Variants in P4HA3 observed in about 807,000 individuals in gnomAD.
P4HA3 encodes the protein prolyl 4-hydroxylase subunit alpha 3, also known as prolyl 4-hydroxylase subunit alpha-3.
A neutral mutation model predicts 66.7 loss-of-function variants in P4HA3; 60 were observed. The ratio of observed to expected loss-of-function variants is 0.90; its 90% confidence interval spans 0.73 to 1.12. P4HA3 has a LOEUF of 1.12. Among genes scored for constraint, P4HA3 ranks in the 50% most tolerant of loss-of-function variants. The pLI is 0.00. For synonymous variants in P4HA3, 263 were observed against 274.6 expected (o/e 0.96, Z 0.42); for missense variants, 683 against 685.8 (o/e 1.00, Z 0.05).
At chr11:74,269,239 C>T (rs963847205) in intron 11 of P4HA3, among the ~76,000 whole-genome samples, 2 of 152,154 alleles carry the variant, frequency 1.3e-5, no homozygotes, top group African/African-American at 4.8e-5. Context: ...TGCCTGCTGA[C>T]GTCTCTGTAA....
intron 15 of P4HA3, among the ~76,000 whole-genome samples, chr11:74,258,689 A>G (rs1180408586): frequency 1.3e-5 from 2 of 152,134 alleles, no homozygotes; most frequent in Non-Finnish European, 2.9e-5. Flanking sequence ...AGGGGCATGG[A>G]GGACTAGGAC....
At chr11:74,294,725 G>T (rs1861155821) in intron 4 of P4HA3, among the ~76,000 whole-genome samples, 1 of 152,204 alleles carries the variant, frequency 6.6e-6, no homozygotes, top group South Asian at 2.1e-4. Context: ...GACCCTGTTT[G>T]CCTGGGTATC....
chr11:74,282,695 A>G (rs961251574), intron 7 of P4HA3, among the ~76,000 whole-genome samples: 2 of 152,216 alleles, frequency 1.3e-5, no homozygotes, highest in Non-Finnish European at 2.9e-5. Context: ...ACATGGGGCA[A>G]GGCATTTGCA....
intron 4 of P4HA3, among the ~76,000 whole-genome samples, chr11:74,294,457 A>G (rs1292635124): frequency 6.6e-6 from 1 of 152,154 alleles, no homozygotes; most frequent in East Asian, 1.9e-4. Context: ...CATCAAAGTC[A>G]TTCTCCATCC....
downstream of P4HA3, chr11:74,266,547 T>A (rs1030160589): frequency 6.2e-6 from 1 of 162,586 alleles, no homozygotes; most frequent in Non-Finnish European, 1.4e-5. Flanking sequence ...ATATTTTCAA[T>A]CCGAGGTGGA....
chr11:74,291,552 T>C (rs1861026461), intron 4 of P4HA3, among the ~76,000 whole-genome samples: 1 of 152,262 alleles, frequency 6.6e-6, no homozygotes, highest in African/African-American at 2.4e-5. Flanking sequence ...TTCCAGTTTT[T>C]GCCCATTCAG....
chr11:74,256,384 C>T (rs1442791242), intron 15 of P4HA3, among the ~76,000 whole-genome samples: 5 of 152,152 alleles, frequency 3.3e-5, no homozygotes, highest in Non-Finnish European at 5.9e-5. Flanking sequence ...TCCTTTGTAT[C>T]CTTGTGAAGT....
intron 4 of P4HA3, among the ~76,000 whole-genome samples, chr11:74,296,207 A>G (rs921463348): frequency 9.2e-5 from 14 of 152,318 alleles, no homozygotes; most frequent in South Asian, 4.1e-4. Flanking sequence ...GGTGAGCATC[A>G]TTATTCCTCT....
At chr11:74,279,962 T>C (rs1412815822) in intron 7 of P4HA3, among the ~76,000 whole-genome samples, 1 of 152,186 alleles carries the variant, frequency 6.6e-6, no homozygotes, top group Non-Finnish European at 1.5e-5. Flanking sequence ...TTACAGAGAA[T>C]CAGAGTCTGT....
chr11:74,268,304 A>G lies in P4HA3; in HGVS notation c.1468-63T>C, dbSNP rs908462292. The G allele has an allele frequency of 3.0e-6, 4 of 1,341,830 alleles. No individual in the cohort carries two copies. In the Admixed American group the frequency reaches 6.8e-5, roughly 23 times the overall value. 83.1% of individuals were successfully genotyped at this position (1,341,830 alleles called of 1,614,324 possible). On this transcript the variant is annotated intron_variant, in intron 11 of 12. Transcript: ENST00000331597. ...CAGAACCTCAGTCCTCGGGAAGCAC[A>G]TACTAAGGACAAATGCAGGCATGTC...
rs759944576 is a variant in P4HA3, at chr11:74,277,094, C to T, written c.1226G>A (p.Arg409His). The part of the protein sequence containing the change: ...VDPKLVTLNH[R>H]IAALTGLDVR... ...ATCAAGGCCTGTGAGGGCAGCAATG[C>T]GGTGGTTGAGGGTCACCAGTTTTGG... is the stretch of plus-strand genomic sequence containing the variant. The change falls in exon 9 of 13, where the codon CGC (arginine) becomes CAC (histidine). Residue 409 changes from arginine to histidine, a missense_variant. Coordinates refer to ENST00000331597, the MANE Select transcript of P4HA3 (RefSeq NM_182904.5). The T allele has an allele frequency of 1.9e-5, 30 of 1,613,968 alleles. No individual in the cohort carries two copies. The highest frequency in any genetic ancestry group is 3.3e-5 in the South Asian group (3 of 91,088).
chr11:74,295,615 T>A (rs1257236849), intron 4 of P4HA3, among the ~76,000 whole-genome samples: 1 of 152,226 alleles, frequency 6.6e-6, no homozygotes, highest in South Asian at 2.1e-4. Flanking sequence ...GTTATAAGCA[T>A]ATTTTTATAC....
intron 5 of P4HA3, chr11:74,287,221 T>C (rs1195484314): frequency 2.1e-5 from 27 of 1,288,418 alleles, no homozygotes; most frequent in Non-Finnish European, 2.3e-5. Context: ...AAGGAGATGC[T>C]GAATTGTTCT....
In P4HA3 at chr11:74,273,600, C is replaced by A; in HGVS notation, c.1343G>T (p.Ser448Ile). 1 of 1,555,978 alleles carries A rather than the reference C, an allele frequency of 6.4e-7. No homozygotes were observed. The highest frequency in any genetic ancestry group is 2.4e-5 in the East Asian group (1 of 42,318). The change falls in exon 10 of 13, where the codon AGC becomes ATC. Residue 448 changes from serine (S) to isoleucine (I), a missense_variant. Ser to Ile is a moderately radical substitution (Grantham distance 142). Coordinates refer to ENST00000331597, the MANE Select transcript of P4HA3 (RefSeq NM_182904.5). ...EPHFDHATSP[S>I]SPLYRMKSGN... ...TGACTTCATTCTGTAGAGGGGGCTG[C>A]TTGGTGACTGAGAAAAAAAAAAACA...
chr11:74,254,984 C>G (rs1438698803), intron 15 of P4HA3, among the ~76,000 whole-genome samples: 1 of 152,318 alleles, frequency 6.6e-6, no homozygotes, highest in East Asian at 1.9e-4. Flanking sequence ...CACATGATCT[C>G]AGTCACCATA....
At chr11:74,260,626 T>C (rs1453758383) in intron 14 of P4HA3, among the ~76,000 whole-genome samples, 1 of 152,242 alleles carries the variant, frequency 6.6e-6, no homozygotes, top group Non-Finnish European at 1.5e-5. Context: ...TATATCTGCA[T>C]TTGTAAGACT....
At chr11:74,276,388 C>T (rs1220898340) in intron 9 of P4HA3, among the ~76,000 whole-genome samples, 1 of 151,710 alleles carries the variant, frequency 6.6e-6, no homozygotes, top group East Asian at 1.9e-4. Flanking sequence ...CATAGCAGGA[C>T]CTTGTCTCTA....
rs1860513398 is a variant in P4HA3 at position 74,279,388 on chromosome 11, CT to C, written c.1174del (p.Ser392ValfsTer4). 6.2e-7 allele frequency: 1 copy of C among 1,613,774 alleles called. No individual in the cohort carries two copies. The highest frequency in any genetic ancestry group is 1.3e-5 in the African/African-American group (1 of 75,018). ...ATGACCAAGGAAGGGCCCTTCTTAC[CT>C]TTTGCTGATGCGGTACTCCACTTGT... is the stretch of plus-strand genomic sequence containing the variant. ...QLQVEYRISK[S>X]AWLKDTVDPK... On this transcript the variant is annotated frameshift_variant and splice_region_variant, in exon 8 of 13. Coordinates refer to ENST00000331597, the MANE Select transcript of P4HA3 (RefSeq NM_182904.5). LOFTEE classifies it high-confidence loss of function.
At chr11:74,303,782 C>T (rs1861491933) in intron 2 of P4HA3, among the ~76,000 whole-genome samples, 2 of 151,858 alleles carry the variant, frequency 1.3e-5, no homozygotes, top group African/African-American at 4.8e-5. Context: ...CAGGGTTTCA[C>T]TATGTTGGTT....
Sources: allele counts gnomAD v4.1 joint callset (sites outside exome capture counted in the v4.1 genomes callset), GRCh38; gene constraint gnomAD v4.1.1; transcripts MANE v1.5; gene names NCBI Gene and HGNC (gene_info 2026-07-23, HGNC 2026-07-21).